RAB4B: variants seen among roughly 807,000 people sequenced by gnomAD.
RAB4B encodes RAB4B, member RAS oncogene family.
RAB4B carries 15 observed loss-of-function variants against 28.3 expected under a neutral mutation model. That is an observed-to-expected ratio of 0.53 (90% CI 0.35 to 0.82). The LOEUF (loss-of-function observed/expected upper bound fraction) is 0.82, where lower values mean the gene tolerates loss of function less well. RAB4B is among the 40% of genes least tolerant of loss of function. The pLI is 0.01. For missense variants in RAB4B, 244 were observed against 288.5 expected, an observed-to-expected ratio of 0.85 and a Z score of 1.12; for synonymous variants, 108 against 116.3, an observed-to-expected ratio of 0.93 and a Z score of 0.46.
intron 3 of RAB4B, among the ~76,000 whole-genome samples, chr19:40,781,700 A>C (rs17726258): frequency 1.3e-5 from 2 of 152,138 alleles, no homozygotes; most frequent in African/African-American, 4.8e-5. Flanking sequence ...AAATGCCTGC[A>C]GAGCAGAAAA....
At chr19:40,781,341 A>AATAC in intron 3 of RAB4B, among the ~76,000 whole-genome samples, 1 of 151,518 alleles carries the variant, frequency 6.6e-6, no homozygotes, top group Non-Finnish European at 1.5e-5. Flanking sequence ...TAAATAAATA[A>AATAC]ATAAGGGAGG....
chr19:40,780,546 G>A, intron 3 of RAB4B, 47 bp downstream of exon 3: 1 of 1,501,408 alleles, frequency 6.7e-7, no homozygotes, highest in Non-Finnish European at 9.2e-7. Context: ...AGAGTGAGAA[G>A]GAAAGAGAGA....
chr19:40,778,383 A>G lies in RAB4B; in HGVS notation c.8A>G (p.Glu3Gly). 6.8e-7 allele frequency: 1 copy of G among 1,469,562 alleles called. No individual in the cohort carries two copies. 91.0% of individuals were successfully genotyped at this position (1,469,562 alleles called of 1,614,324 possible). Residue 3 changes from glutamate to glycine, a missense_variant, in exon 1 of 8, where the codon GAG becomes GGG. Physicochemically the swap from Glu to Gly is moderately conservative, Grantham distance 98. Transcript: ENST00000357052. ...AGCGGCCGCGACCGAGTCATGGCTG[A>G]GACCTACGGTGAGGGTGGTGGACGA... MAETYDFLFKFLV... is the reference protein window; with the variant it reads MAGTYDFLFKFLV...
At chr19:40,780,592 G>A in intron 3 of RAB4B, 93 bp downstream of exon 3, 5 of 950,736 alleles carry the variant, frequency 5.3e-6, no homozygotes, top group Non-Finnish European at 6.5e-6. Flanking sequence ...ACACTGAGAG[G>A]GCAGACAAGG....
intron 2 of RAB4B, 67 bp from the exon 3 acceptor site, chr19:40,780,317 AG>A: frequency 6.7e-7 from 1 of 1,489,032 alleles, no homozygotes; most frequent in Non-Finnish European, 9.1e-7. Context: ...AGGGCCTTGG[AG>A]GATGGGGGAT....
Position 40,784,085 on chromosome 19 carries a change from G to A in RAB4B, c.430+10G>A, listed in dbSNP as rs1197569166. 3 of 1,600,468 alleles carry A rather than the reference G, an allele frequency of 1.9e-6. No individual in the cohort carries two copies. Among genetic ancestry groups the A allele is most frequent in the Non-Finnish European group, 2.6e-6 (3 of 1,170,244 alleles). ...TTTGCCCAGGAGAATGGTGAGGGCT[G>A]TGTCGTGGACCAGGTGGTGGTGGGG... On this transcript the variant is annotated intron_variant, in intron 5 of 7. Coordinates refer to ENST00000357052, the MANE Select transcript of RAB4B (RefSeq NM_016154.5).
At chr19:40,780,759 G>A (rs1439392328) in intron 3 of RAB4B, among the ~76,000 whole-genome samples, 2 of 152,046 alleles carry the variant, frequency 1.3e-5, no homozygotes, top group Non-Finnish European at 2.9e-5. Context: ...GCCATGGTGG[G>A]AAGATTGCCT....
chr19:40,792,055 T>C (rs2083164460), intron 7 of RAB4B, among the ~76,000 whole-genome samples: 1 of 152,226 alleles, frequency 6.6e-6, no homozygotes, highest in Non-Finnish European at 1.5e-5. Flanking sequence ...CTCCCAGCCC[T>C]TGGCAGCTCC....
chr19:40,784,310 A>G (rs2083078209), intron 5 of RAB4B, among the ~76,000 whole-genome samples: 1 of 152,166 alleles, frequency 6.6e-6, no homozygotes, highest in Admixed American at 6.5e-5. Context: ...TGGACAACAC[A>G]GTGAGATCCT....
In RAB4B at chr19:40,784,033, G is replaced by C. The variant is rs747898878; in HGVS notation, c.388G>C (p.Glu130Gln). 2 of 1,613,988 alleles carry C rather than the reference G, an allele frequency of 1.2e-6. No homozygotes were observed. The highest frequency in any genetic ancestry group is 1.7e-6 in the Non-Finnish European group (2 of 1,179,850). Residue 130 changes from glutamate (E) to glutamine (Q), a missense_variant, in exon 5 of 8, where the codon GAG becomes CAG. Physicochemically the swap from Glu to Gln is conservative, Grantham distance 29. Coordinates refer to ENST00000357052, the MANE Select transcript of RAB4B (RefSeq NM_016154.5). ...CAAGAAGGACCTGGACCCTGAGCGG[G>C]AGGTCACTTTCCTGGAGGCCTCCCG... Reference protein sequence around the residue: ...GNKKDLDPEREVTFLEASRFA... With the variant: ...GNKKDLDPERQVTFLEASRFA...
chr19:40,788,622 T>C (rs1214067243), intron 7 of RAB4B, among the ~76,000 whole-genome samples: 1 of 150,726 alleles, frequency 6.6e-6, no homozygotes, highest in East Asian at 1.9e-4. Flanking sequence ...GGTATTGCTC[T>C]GTTACCCAGG....
chr19:40,789,392 G>C (rs2083135509), intron 7 of RAB4B, among the ~76,000 whole-genome samples: 1 of 150,682 alleles, frequency 6.6e-6, no homozygotes, highest in African/African-American at 2.4e-5. Context: ...AGTAGAGACG[G>C]GGTTTCTCCG....
chr19:40,782,020 C>CAAA (rs56884543), intron 3 of RAB4B, among the ~76,000 whole-genome samples: 1,876 of 108,614 alleles, frequency 0.017, 31 homozygotes, highest in Non-Finnish European at 0.027. Flanking sequence ...GGCTCCGTTT[C>CAAA]AAAAAAAAAA....
chr19:40,782,896 T>C (rs969202162), intron 3 of RAB4B, among the ~76,000 whole-genome samples: 1 of 151,934 alleles, frequency 6.6e-6, no homozygotes, highest in African/African-American at 2.4e-5. Context: ...CCCAACACTT[T>C]GGGAGGCCAA....
At position 40,783,631 on chromosome 19, in the gene RAB4B, C is replaced by G. The variant is rs1599741555; in HGVS notation, c.213-147C>G. 4 of 588,996 alleles carry G rather than the reference C, an allele frequency of 6.8e-6. No homozygotes were observed. In the East Asian group the frequency reaches 1.3e-4, roughly 19 times the overall value. The allele number at this position is 588,996 out of a possible 1,614,324, so 36.5% of individuals were successfully genotyped here. On this transcript the variant is annotated intron_variant, in intron 3 of 7. Coordinates refer to ENST00000357052, the MANE Select transcript of RAB4B (RefSeq NM_016154.5). Reference sequence around the variant, plus strand: ...AGGATGCAAGAAGAGAGAGGAATTGCATGGTGACCCGACCAAGGCCAGGTT... The same window carrying G: ...AGGATGCAAGAAGAGAGAGGAATTGGATGGTGACCCGACCAAGGCCAGGTT...
chr19:40,778,251 G>A lies in RAB4B; in HGVS notation c.-125G>A. On this transcript the variant is annotated 5_prime_UTR_variant, in exon 1 of 8. It adds an upstream start codon to the 5' untranslated region. Coordinates refer to ENST00000357052, the MANE Select transcript of RAB4B (RefSeq NM_016154.5). ...GCGCCGGAGGGGGGCGGAGGCGGAA[G>A]TGGCGGTGCCGGGCCCGGGGAGTAG... 1.1e-6 allele frequency: 1 copy of A among 880,144 alleles called. No homozygotes were observed. The highest frequency in any genetic ancestry group is 1.6e-6 in the Non-Finnish European group (1 of 613,588). 54.5% of individuals were successfully genotyped at this position (880,144 alleles called of 1,614,324 possible).
At position 40,783,959 on chromosome 19, in the gene RAB4B, AT is replaced by A; in HGVS notation, c.315del (p.Asp105GlufsTer41). 6.2e-7 allele frequency: 1 copy of A among 1,613,330 alleles called. No homozygotes were observed. The highest frequency in any genetic ancestry group is 2.2e-5 in the East Asian group (1 of 44,848). ...TYNSLAAWLTDARTLASPNIV... is the reference protein window; with the variant it reads ...TYNSLAAWLTXARTLASPNIV... Reference sequence around the variant, plus strand: ...AACTCACTGGCTGCCTGGCTGACGGATGCCCGCACCCTGGCCAGCCCCAACA... The same window carrying A: ...AACTCACTGGCTGCCTGGCTGACGGAGCCCGCACCCTGGCCAGCCCCAACA... On this transcript the variant is annotated frameshift_variant, in exon 5 of 8. Coordinates refer to ENST00000357052, the MANE Select transcript of RAB4B (RefSeq NM_016154.5). LOFTEE classifies it high-confidence loss of function.
At chr19:40,787,169 G>A (rs570059086) in intron 7 of RAB4B, among the ~76,000 whole-genome samples, 191 bp downstream of exon 7, 4 of 152,034 alleles carry the variant, frequency 2.6e-5, no homozygotes, top group South Asian at 4.2e-4. Context: ...TTGGGAGTCC[G>A]AGGCGGGCGG....
chr19:40,778,421 G>C, intron 1 of RAB4B, 30 bp downstream of exon 1: 1 of 1,444,020 alleles, frequency 6.9e-7, no homozygotes, highest in Non-Finnish European at 9.1e-7. Context: ...CTGGGGTCCT[G>C]GGTCTGGGCC....
Sources: gnomAD v4.1 joint callset for allele counts (sites outside exome capture counted in the v4.1 genomes callset) on GRCh38, gnomAD v4.1.1 for gene constraint, MANE v1.5 for transcripts, NCBI Gene and HGNC (gene_info 2026-07-23, HGNC 2026-07-21) for gene names.